NPAS3: variants seen among roughly 807,000 people sequenced by gnomAD.
NPAS3 encodes neuronal PAS domain-containing protein 3.
In NPAS3, 14 loss-of-function variants were observed where a neutral mutation model predicts 73.1. That is an observed-to-expected ratio of 0.19 (90% CI 0.13 to 0.30). NPAS3 has a LOEUF of 0.30. Among genes scored for constraint, NPAS3 ranks in the 10% least tolerant of loss-of-function variants. NPAS3 has a pLI of 1.00. For synonymous variants in NPAS3, 620 were observed against 541.5 expected, an observed-to-expected ratio of 1.14 and a Z score of -2.01; for missense variants, 1,096 against 1,250.0, an observed-to-expected ratio of 0.88 and a Z score of 1.86.
intron 3 of NPAS3, among the ~76,000 whole-genome samples, chr14:33,313,892 TG>T (rs2043104655): frequency 6.6e-6 from 1 of 152,102 alleles, no homozygotes. Context: ...TTTTAAGCTT[TG>T]TTTCTCTTTT....
intron 3 of NPAS3, among the ~76,000 whole-genome samples, chr14:33,346,662 G>C (rs528954780): frequency 2.6e-5 from 4 of 151,842 alleles, no homozygotes; most frequent in Admixed American, 2.0e-4. Context: ...AGTTTATAAA[G>C]CCATGGGGAA....
chr14:32,994,640 T>TG (rs1555317584), intron 1 of NPAS3, among the ~76,000 whole-genome samples: 3 of 148,734 alleles, frequency 2.0e-5, no homozygotes, highest in Non-Finnish European at 4.5e-5. Context: ...GTTTTTGTTT[T>TG]TTTTTTTTTG....
At chr14:33,727,594 A>G (rs528124108) in intron 6 of NPAS3, among the ~76,000 whole-genome samples, 2 of 151,874 alleles carry the variant, frequency 1.3e-5, no homozygotes, top group Admixed American at 6.6e-5. Context: ...TTTGTCTGAC[A>G]TGATGTTTGT....
intron 10 of NPAS3, among the ~76,000 whole-genome samples, chr14:33,795,470 C>T (rs977685302): frequency 2.0e-5 from 3 of 152,150 alleles, no homozygotes; most frequent in African/African-American, 7.2e-5. Context: ...TAAAAACTCA[C>T]ATGCCAGACA....
chr14:33,603,756 A>G (rs931360449), intron 5 of NPAS3, among the ~76,000 whole-genome samples: 2 of 152,182 alleles, frequency 1.3e-5, no homozygotes, highest in East Asian at 1.9e-4. Context: ...AGAAACAGCA[A>G]CGGGAGTGAA....
At chr14:32,992,054 G>C (rs2038356524) in intron 1 of NPAS3, among the ~76,000 whole-genome samples, 1 of 152,182 alleles carries the variant, frequency 6.6e-6, no homozygotes, top group Non-Finnish European at 1.5e-5. Flanking sequence ...CACTTAGAAG[G>C]GGCCCAGTGA....
At chr14:33,093,599 C>A (rs2042304648) in intron 2 of NPAS3, among the ~76,000 whole-genome samples, 1 of 149,704 alleles carries the variant, frequency 6.7e-6, no homozygotes. Context: ...TACCATTTGA[C>A]CCAGCCATGC....
chr14:33,681,724 A>G (rs1213327659), intron 6 of NPAS3, among the ~76,000 whole-genome samples: 5 of 152,222 alleles, frequency 3.3e-5, no homozygotes, highest in African/African-American at 1.2e-4. Context: ...ACTGCTCAGC[A>G]TGCTAATACT....
intron 2 of NPAS3, among the ~76,000 whole-genome samples, chr14:33,212,793 T>C (rs2047085984): frequency 6.6e-6 from 1 of 152,194 alleles, no homozygotes; most frequent in Non-Finnish European, 1.5e-5. Context: ...TACGGTATAT[T>C]ACATAAGTAA....
intron 2 of NPAS3, among the ~76,000 whole-genome samples, chr14:33,074,912 C>T (rs1393223219): frequency 6.6e-6 from 1 of 152,176 alleles, no homozygotes; most frequent in Non-Finnish European, 1.5e-5. Flanking sequence ...AACCTGATTT[C>T]TACCTCCATT....
chr14:33,657,019 AG>A (rs1038755457), intron 5 of NPAS3, among the ~76,000 whole-genome samples: 2 of 152,208 alleles, frequency 1.3e-5, no homozygotes, highest in Non-Finnish European at 2.9e-5. Context: ...ACACACACAG[AG>A]GAATATTATT....
At chr14:33,690,796 G>A (rs1479161195) in intron 6 of NPAS3, among the ~76,000 whole-genome samples, 7 of 149,822 alleles carry the variant, frequency 4.7e-5, no homozygotes, top group Non-Finnish European at 1.0e-4. Context: ...ATTTGATTCT[G>A]CCTCTGGATA....
Position 33,374,709 on chromosome 14 carries a change from G to C in NPAS3, c.468+7441G>C, listed in dbSNP as rs556550409. Among the ~76,000 whole-genome samples, 59 of 149,710 alleles carry C rather than the reference G, an allele frequency of 3.9e-4. 1 individual carries two copies. In the South Asian group the frequency reaches 4.7e-3, roughly 12 times the overall value. Reference sequence around the variant, plus strand: ...AATGTTGGGGTGTGTCGGGGCGGGGGGGGGAGTAGAGAATGCCAAATCTGC... The same window carrying C: ...AATGTTGGGGTGTGTCGGGGCGGGGCGGGGAGTAGAGAATGCCAAATCTGC... On this transcript the variant is annotated intron_variant, in intron 4 of 11. Transcript: ENST00000356141.
chr14:32,939,276 A>C (rs370799130), upstream of NPAS3: 10 of 468,498 alleles, frequency 2.1e-5, no homozygotes, highest in East Asian at 2.0e-4. Context: ...GGGAGGGGGG[A>C]GAGAGGCAAA....
chr14:33,620,023 G>C (rs756887323), intron 5 of NPAS3, among the ~76,000 whole-genome samples: 2 of 152,052 alleles, frequency 1.3e-5, no homozygotes, highest in Non-Finnish European at 2.9e-5. Context: ...ATCAGCTTGT[G>C]GTGTTTATTT....
chr14:33,675,651 T>C lies in NPAS3; in HGVS notation c.559-560T>C, dbSNP rs532454055. Among the ~76,000 whole-genome samples, 17 of 152,342 alleles carry C rather than the reference T, an allele frequency of 1.1e-4. No homozygotes were observed. The South Asian group carries it at 3.5e-3, about 32-fold the overall frequency. ...CGATTACAGAGCTAATGAGTAATTT[T>C]TAATGAAAACATTATGCCTTTGCAT... On this transcript the variant is annotated intron_variant, in intron 5 of 11. Transcript: ENST00000356141.
intron 4 of NPAS3, among the ~76,000 whole-genome samples, chr14:33,418,085 A>C (rs2048224282): frequency 6.6e-6 from 1 of 151,888 alleles, no homozygotes; most frequent in Non-Finnish European, 1.5e-5. Flanking sequence ...TAATTGCAAA[A>C]ATTAGTTTAA....
rs753990119 is a variant in NPAS3 at position 33,056,034 on chromosome 14, C to A, written c.140+40C>A. 5.7e-5 allele frequency: 45 copies of A among 789,684 alleles called. No homozygotes were observed. The South Asian group carries it at 6.6e-4, about 12-fold the overall frequency. 48.9% of individuals were successfully genotyped at this position (789,684 alleles called of 1,614,324 possible). On this transcript the variant is annotated intron_variant, in intron 2 of 11. Transcript: ENST00000356141. The stretch of plus-strand genomic sequence containing the variant: ...TTGTGAGTCTTCCTTCTGGCTCGTA[C>A]ATCAGTGCTTGTGGTTGCCAGCTAT...
intron 2 of NPAS3, among the ~76,000 whole-genome samples, chr14:33,153,224 T>A (rs2044522106): frequency 6.6e-6 from 1 of 152,160 alleles, no homozygotes; most frequent in Admixed American, 6.5e-5. Flanking sequence ...CTACTTTTTT[T>A]TTCATCTGAG....
Sources: gnomAD v4.1 joint callset for allele counts (sites outside exome capture counted in the v4.1 genomes callset) on GRCh38, gnomAD v4.1.1 for gene constraint, MANE v1.5 for transcripts, NCBI Gene and HGNC (gene_info 2026-07-23, HGNC 2026-07-21) for gene names.